The following PRTFDC1 variants were observed in gnomAD, a reference collection of about 807,000 sequenced individuals.
PRTFDC1 encodes the protein phosphoribosyltransferase domain-containing protein 1.
PRTFDC1 carries 38 observed loss-of-function variants against 34.6 expected under a neutral mutation model. That is an observed-to-expected ratio of 1.10 (90% CI 0.85 to 1.44). PRTFDC1 has a LOEUF of 1.44. Ranked by LOEUF, PRTFDC1 falls within the 40% of genes most tolerant of loss-of-function variation. The probability of loss-of-function intolerance (pLI) is 0.00; values close to 1 mark genes in which losing one functional copy is unlikely to be tolerated. For missense variants in PRTFDC1, 270 were observed against 283.0 expected, an observed-to-expected ratio of 0.95 and a Z score of 0.33; for synonymous variants, 93 against 98.1, an observed-to-expected ratio of 0.95 and a Z score of 0.31.
chr10:24,928,333 G>A (rs778451436), intron 3 of PRTFDC1, among the ~76,000 whole-genome samples: 1 of 152,224 alleles, frequency 6.6e-6, no homozygotes, highest in Non-Finnish European at 1.5e-5. Context: ...CCACAACTGA[G>A]GAACTCTTCT....
At chr10:24,911,534 A>G (rs1848626731) in intron 3 of PRTFDC1, among the ~76,000 whole-genome samples, 1 of 152,148 alleles carries the variant, frequency 6.6e-6, no homozygotes, top group African/African-American at 2.4e-5. Context: ...ATTACAAATA[A>G]AGTTGCTATG....
rs539923730 is a variant in PRTFDC1, at chr10:24,932,327, T to A, written c.339+4857A>T. On this transcript the variant is annotated intron_variant, in intron 3 of 8. Transcript: ENST00000320152. ...GGCATGATCATGCAATAAAAAGAAATAAAAGGTCTGTAAGTATAAAGGAAG... is the reference window on the plus strand; with the variant it reads ...GGCATGATCATGCAATAAAAAGAAAAAAAAGGTCTGTAAGTATAAAGGAAG... Among the ~76,000 whole-genome samples, 392 of 151,728 alleles carry A rather than the reference T, an allele frequency of 2.6e-3. 1 individual carries two copies. Among genetic ancestry groups the A allele is most frequent in the African/African-American group, 8.2e-3 (341 of 41,434 alleles).
chr10:24,867,835 GCT>G (rs1847809054), intron 4 of PRTFDC1: 1 of 141,104 alleles, frequency 7.1e-6, no homozygotes, highest in African/African-American at 2.7e-5. Flanking sequence ...ACAGGGTCTT[GCT>G]CTGTCACCCA....
chr10:24,862,486 T>G (rs1211917492), intron 4 of PRTFDC1, among the ~76,000 whole-genome samples: 2 of 152,046 alleles, frequency 1.3e-5, no homozygotes, highest in African/African-American at 4.8e-5. Context: ...GTGATTCTAC[T>G]GCCTCAGCCT....
intron 4 of PRTFDC1, among the ~76,000 whole-genome samples, chr10:24,869,442 CAA>C (rs1384414769): frequency 2.6e-5 from 4 of 152,122 alleles, no homozygotes; most frequent in African/African-American, 9.7e-5. Flanking sequence ...CAAATGGAAA[CAA>C]ATGGATTTTA....
chr10:24,949,496 C>T (rs1467174867), intron 1 of PRTFDC1, among the ~76,000 whole-genome samples: 2 of 152,174 alleles, frequency 1.3e-5, no homozygotes, highest in Admixed American at 6.5e-5. Context: ...TCCTGCCTTA[C>T]ATGCCATGAG....
chr10:24,908,735 C>G (rs1344098339), intron 3 of PRTFDC1: 7 of 1,519,202 alleles, frequency 4.6e-6, no homozygotes, highest in Non-Finnish European at 6.2e-6. Context: ...AGACACCTAC[C>G]TAGCCAGCCC....
intron 3 of PRTFDC1, among the ~76,000 whole-genome samples, chr10:24,890,409 C>T (rs1242321295): frequency 6.6e-6 from 1 of 152,208 alleles, no homozygotes; most frequent in African/African-American, 2.4e-5. Context: ...AAATGTCAGG[C>T]ACATCCACAC....
intron 3 of PRTFDC1, among the ~76,000 whole-genome samples, chr10:24,915,188 A>G (rs1044699268): frequency 2.4e-4 from 37 of 152,326 alleles, no homozygotes; most frequent in African/African-American, 8.7e-4. Flanking sequence ...ACTTGGTATC[A>G]AAAATTAGCA....
chr10:24,850,258 C>G (rs1256631929), intron 8 of PRTFDC1, among the ~76,000 whole-genome samples: 1 of 152,150 alleles, frequency 6.6e-6, no homozygotes, highest in Non-Finnish European at 1.5e-5. Context: ...TCTTATTCAA[C>G]CCTTTTTGGG....
At chr10:24,930,441 C>G (rs1267984638) in intron 3 of PRTFDC1, among the ~76,000 whole-genome samples, 2 of 152,070 alleles carry the variant, frequency 1.3e-5, no homozygotes, top group Admixed American at 6.6e-5. Flanking sequence ...GAAAAAAAAG[C>G]AGGTAATTGT....
intron 7 of PRTFDC1, among the ~76,000 whole-genome samples, chr10:24,853,318 AG>A (rs1406753507): frequency 9.9e-5 from 15 of 152,040 alleles, no homozygotes. Context: ...CATCTCAAAA[AG>A]AAAAAAAAAA....
chr10:24,944,317 C>A (rs1849218537), intron 1 of PRTFDC1, among the ~76,000 whole-genome samples: 1 of 152,152 alleles, frequency 6.6e-6, no homozygotes, highest in Admixed American at 6.5e-5. Context: ...ATCTTCAACT[C>A]CCTCGAAATT....
At chr10:24,882,154 T>G (rs1429437101) in intron 3 of PRTFDC1, among the ~76,000 whole-genome samples, 7 of 138,682 alleles carry the variant, frequency 5.0e-5, no homozygotes, top group African/African-American at 1.9e-4. Flanking sequence ...TTGCAGTGAG[T>G]CGAGATCTTG....
intron 3 of PRTFDC1, among the ~76,000 whole-genome samples, chr10:24,926,750 C>T (rs73606590): frequency 0.18 from 26,936 of 152,140 alleles, 3,425 homozygotes; most frequent in African/African-American, 0.36. Context: ...GCTCCAGGGC[C>T]GGGTCCTGTT....
chr10:24,881,112 C>T (rs1848073921), intron 3 of PRTFDC1, among the ~76,000 whole-genome samples: 1 of 150,912 alleles, frequency 6.6e-6, no homozygotes, highest in Non-Finnish European at 1.5e-5. Context: ...CTGTCATCCA[C>T]ATGGGAAAGC....
rs1326192 is a variant in PRTFDC1 at position 24,851,482 on chromosome 10, G to A, written c.554-18C>T. Reference sequence around the variant, plus strand: ...TCCAGCATCTTAGCAGACAGAGAAAGAGAAAAAAAAAAAGGAACAAAATTT... The same window carrying A: ...TCCAGCATCTTAGCAGACAGAGAAAAAGAAAAAAAAAAAGGAACAAAATTT... On this transcript the variant is annotated intron_variant, in intron 7 of 8. Transcript: ENST00000320152. The A allele has an allele frequency of 2.5e-5, 39 of 1,577,904 alleles. No homozygotes were observed. The highest frequency in any genetic ancestry group is 1.1e-4 in the Admixed American group (6 of 52,840).
chr10:24,867,803 A>AT (rs34324957), intron 4 of PRTFDC1: 3,091 of 134,078 alleles, frequency 0.023, 75 homozygotes, highest in African/African-American at 0.053. Flanking sequence ...TGTAGGTTTA[A>AT]TTTTTTTTTT....
At chr10:24,908,510 TG>T (rs753437983) in intron 3 of PRTFDC1, 1 of 1,612,474 alleles carries the variant, frequency 6.2e-7, no homozygotes, top group Non-Finnish European at 8.5e-7. Context: ...GACCTAATTC[TG>T]CTCTGATCTT....
Sources: allele counts gnomAD v4.1 joint callset (sites outside exome capture counted in the v4.1 genomes callset), GRCh38; gene constraint gnomAD v4.1.1; transcripts MANE v1.5; gene names NCBI Gene and HGNC (gene_info 2026-07-23, HGNC 2026-07-21).